MYLK: variants seen among roughly 807,000 people sequenced by gnomAD.
The protein encoded by MYLK is myosin light chain kinase, also known as myosin light chain kinase, smooth muscle.
Under a neutral mutation model 203.4 loss-of-function variants are expected in MYLK, and 106 were observed. The ratio of observed to expected loss-of-function variants is 0.52; its 90% CI spans 0.45 to 0.61. MYLK has a LOEUF of 0.61. Ranked by LOEUF, MYLK falls within the 20% of genes least tolerant of loss-of-function variation. The pLI is 0.00. For missense variants in MYLK, 2,072 were observed against 2,442.3 expected, an observed-to-expected ratio of 0.85 and a Z score of 3.20; for synonymous variants, 867 against 959.5, an observed-to-expected ratio of 0.90 and a Z score of 1.78.
intron 3 of MYLK, among the ~76,000 whole-genome samples, chr3:123,813,046 G>C (rs529588277): frequency 6.6e-6 from 1 of 152,184 alleles, no homozygotes; most frequent in Non-Finnish European, 1.5e-5. Context: ...CCTTGACAGA[G>C]CCGATAGAAG....
intron 33 of MYLK, 71 bp downstream of exon 33, chr3:123,618,568 G>A (rs916111968): frequency 1.2e-5 from 20 of 1,600,806 alleles, no homozygotes; most frequent in Middle Eastern, 3.3e-4. Flanking sequence ...TCTTGCCCAC[G>A]GTGCATGGTA....
intron 13 of MYLK, among the ~76,000 whole-genome samples, chr3:123,710,976 A>G (rs2061668697): frequency 6.6e-6 from 1 of 152,180 alleles, no homozygotes; most frequent in Non-Finnish European, 1.5e-5. Context: ...CTGTAGTCCC[A>G]GCTACTTGGG....
intron 19 of MYLK, among the ~76,000 whole-genome samples, chr3:123,688,473 T>A (rs2060542186): frequency 6.6e-6 from 1 of 152,126 alleles, no homozygotes; most frequent in East Asian, 1.9e-4. Context: ...TCACTTCCTG[T>A]CCCTATTGTG....
chr3:123,789,290 T>G lies in MYLK; in HGVS notation c.165+4387A>C, dbSNP rs143428634. 9.0e-3 allele frequency among the ~76,000 whole-genome samples: 1,370 copies of G among 152,256 alleles called. 32 individuals carry two copies. The highest frequency in any genetic ancestry group is 0.031 in the African/African-American group (1,306 of 41,552). On this transcript the variant is annotated intron_variant, in intron 4 of 33. Coordinates refer to ENST00000360304, the MANE Select transcript of MYLK (RefSeq NM_053025.4). ...CACAGAGCGCGCGTCTGAATTTTCATCTACCTCACTGTCCTCCCAAGCAAA... is the reference window on the plus strand; with the variant it reads ...CACAGAGCGCGCGTCTGAATTTTCAGCTACCTCACTGTCCTCCCAAGCAAA...
chr3:123,856,168 T>C (rs1173734939), intron 2 of MYLK, among the ~76,000 whole-genome samples: 3 of 152,218 alleles, frequency 2.0e-5, no homozygotes, highest in Non-Finnish European at 1.5e-5. Context: ...AATCAACAAA[T>C]GGAGAATCTA....
chr3:123,782,449 T>C lies in MYLK; in HGVS notation c.165+11228A>G, dbSNP rs2064335178. On this transcript the variant is annotated intron_variant, in intron 4 of 33. Coordinates refer to ENST00000360304, the MANE Select transcript of MYLK (RefSeq NM_053025.4). Reference sequence around the variant, plus strand: ...ACAGAGGAGGCTCAACTCACATTGGTCATTATTTATGAAAGTAGTGTCTTA... The same window carrying C: ...ACAGAGGAGGCTCAACTCACATTGGCCATTATTTATGAAAGTAGTGTCTTA... Among the ~76,000 whole-genome samples the C allele has an allele frequency of 2.6e-5, 4 of 152,224 alleles. No individual in the cohort carries two copies. In the South Asian group the frequency reaches 8.3e-4, roughly 31 times the overall value.
chr3:123,700,574 G>A lies in MYLK; in HGVS notation c.2894C>T (p.Thr965Ile). Reference sequence around the variant, plus strand: ...CGGTGGCACCTTCTCAGGCACGGGGGTCTTGGAAGTCCCCTTCTTGGCCAG... The same window carrying A: ...CGGTGGCACCTTCTCAGGCACGGGGATCTTGGAAGTCCCCTTCTTGGCCAG... ...SVLAKKGTSK[T>I]PVPEKVPPPK... Residue 965 changes from threonine to isoleucine, a missense_variant, in exon 18 of 34, where the codon ACC (threonine) becomes ATC (isoleucine). Thr to Ile is a moderately conservative substitution (Grantham distance 89). Around this residue, in one of 3 missense-constraint regions of MYLK, gnomAD observed 865 missense variants for 1,016.0 expected, o/e 0.85. Coordinates refer to ENST00000360304, the MANE Select transcript of MYLK (RefSeq NM_053025.4). 1.9e-6 allele frequency: 3 copies of A among 1,613,750 alleles called. No homozygotes were observed. The highest frequency in any genetic ancestry group is 2.5e-6 in the Non-Finnish European group (3 of 1,179,944).
chr3:123,630,030 C>T (rs2058344902), intron 29 of MYLK, among the ~76,000 whole-genome samples: 1 of 152,066 alleles, frequency 6.6e-6, no homozygotes, highest in Non-Finnish European at 1.5e-5. Flanking sequence ...TGGTAGTGAT[C>T]ACCACTGCAC....
At chr3:123,635,329 G>C (rs2058599826) in intron 29 of MYLK, among the ~76,000 whole-genome samples, 1 of 152,226 alleles carries the variant, frequency 6.6e-6, no homozygotes, top group African/African-American at 2.4e-5. Context: ...CCATCTCCTT[G>C]GCGCCAATGT....
intron 11 of MYLK, among the ~76,000 whole-genome samples, chr3:123,728,239 A>T (rs1238064978): frequency 6.6e-6 from 1 of 152,230 alleles, no homozygotes; most frequent in Non-Finnish European, 1.5e-5. Context: ...GTGGTGGCTC[A>T]AGTCTTTAAT....
At chr3:123,770,114 G>A (rs932177249) in intron 4 of MYLK, among the ~76,000 whole-genome samples, 3 of 149,106 alleles carry the variant, frequency 2.0e-5, no homozygotes, top group African/African-American at 7.5e-5. Flanking sequence ...AGTTCGAGAC[G>A]AGGCTGACCA....
At chr3:123,856,414 A>C (rs1031691818) in intron 2 of MYLK, among the ~76,000 whole-genome samples, 10 of 152,206 alleles carry the variant, frequency 6.6e-5, no homozygotes, top group Non-Finnish European at 1.3e-4. Flanking sequence ...GTTATTTCAC[A>C]TGTGTGCTTC....
chr3:123,858,633 A>G (rs2031621703), intron 2 of MYLK, among the ~76,000 whole-genome samples: 1 of 152,146 alleles, frequency 6.6e-6, no homozygotes, highest in Admixed American at 6.5e-5. Context: ...CCATTAATCC[A>G]TTAACACATT....
At chr3:123,677,120 G>A (rs1202305194) in intron 20 of MYLK, among the ~76,000 whole-genome samples, 1 of 152,196 alleles carries the variant, frequency 6.6e-6, no homozygotes, top group Non-Finnish European at 1.5e-5. Context: ...CACTTTTGCT[G>A]CTGTGTGACC....
chr3:123,696,692 T>A (rs1449510650), intron 18 of MYLK, among the ~76,000 whole-genome samples: 1 of 152,190 alleles, frequency 6.6e-6, no homozygotes, highest in Non-Finnish European at 1.5e-5. Flanking sequence ...CTGACTGTGG[T>A]TGTGGCTACT....
intron 2 of MYLK, among the ~76,000 whole-genome samples, chr3:123,868,742 T>G (rs1191704298): frequency 6.6e-6 from 1 of 152,172 alleles, no homozygotes; most frequent in Non-Finnish European, 1.5e-5. Context: ...TTGACAAAGA[T>G]TAAATGCAAA....
At chr3:123,882,541 C>T (rs2033609051) in intron 1 of MYLK, among the ~76,000 whole-genome samples, 1 of 152,244 alleles carries the variant, frequency 6.6e-6, no homozygotes, top group African/African-American at 2.4e-5. Context: ...ATAAATGCTT[C>T]CCCACTGTGG....
intron 5 of MYLK, among the ~76,000 whole-genome samples, chr3:123,742,541 G>C (rs1213728448): frequency 2.0e-5 from 3 of 152,000 alleles, no homozygotes; most frequent in African/African-American, 7.2e-5. Flanking sequence ...AAGGGGCAGG[G>C]AGGAAGAAAG....
In MYLK at chr3:123,734,209, C is replaced by A; in HGVS notation, c.787G>T (p.Glu263Ter). The A allele has an allele frequency of 7.1e-7, 1 of 1,400,922 alleles. No individual in the cohort carries two copies. The highest frequency in any genetic ancestry group is 9.4e-7 in the Non-Finnish European group (1 of 1,060,116). 86.8% of individuals were successfully genotyped at this position (1,400,922 alleles called of 1,614,324 possible). Residue 263 changes from glutamate to a stop codon, truncating the protein, a stop_gained, in exon 10 of 34, where the codon GAA becomes TAA. Coordinates refer to ENST00000360304, the MANE Select transcript of MYLK (RefSeq NM_053025.4). LOFTEE classifies it high-confidence loss of function. ...ACATCTGAATTGGTGGCTTTTGTTT[C>A]TCTCACAAATGACCTGTGTGGTGGT... The part of the protein sequence containing the change: ...LDSANRSFVR[E>*]TKATNSDVRK...
Sources: gnomAD v4.1 joint callset for allele counts (sites outside exome capture counted in the v4.1 genomes callset) on GRCh38, gnomAD v4.1.1 for gene constraint, gnomAD v4.1.1 regional missense constraint, MANE v1.5 for transcripts, NCBI Gene and HGNC (gene_info 2026-07-23, HGNC 2026-07-21) for gene names.